Variants in EEF1D observed in about 807,000 individuals in gnomAD.
EEF1D encodes the protein elongation factor 1-delta.
In EEF1D, 47 loss-of-function variants were observed where a neutral mutation model predicts 63.9. That is an observed-to-expected ratio of 0.74 (90% CI 0.58 to 0.94). The LOEUF (loss-of-function observed/expected upper bound fraction) is 0.94, where lower values mean the gene tolerates loss of function less well. Ranked by LOEUF, EEF1D falls within the 40% of genes least tolerant of loss-of-function variation. EEF1D has a pLI of 0.00. For synonymous variants in EEF1D, 412 were observed against 386.1 expected (o/e 1.07, Z -0.79); for missense variants, 907 against 899.0 (o/e 1.01, Z -0.11).
rs373068224 is a variant in EEF1D at position 143,589,179 on chromosome 8, G to A, written c.903C>T (p.Ala301=). The change falls in exon 3 of 10, where the codon GCC becomes GCT. Residue 301 remains alanine, a synonymous_variant. Coordinates refer to ENST00000618139, the MANE Select transcript of EEF1D (RefSeq NM_001130053.5). The part of the protein sequence containing the change: ...LRRADGEAPS[A]LPYCYFLQKD... ...TCTGCAGGAAGTAACAGTAGGGCAA[G>A]GCAGAGGGGGCCTCCCCATCGGCCC... 2.5e-6 allele frequency: 4 copies of A among 1,599,480 alleles called. No homozygotes were observed. The African/African-American group carries it at 5.4e-5, about 21-fold the overall frequency.
chr8:143,580,849 G>A (rs150016304), intron 7 of EEF1D, 122 bp from the exon 8 acceptor site: 21,701 of 1,252,790 alleles, frequency 0.017, 245 homozygotes, highest in Non-Finnish European at 0.022. Context: ...CCTGTGTACC[G>A]CAGCTGTGTA....
rs1209300359 is a variant in EEF1D at position 143,581,068 on chromosome 8, C to T, written c.1474G>A (p.Ala492Thr). The change falls in exon 7 of 10, where the codon GCC becomes ACC. Residue 492 changes from alanine to threonine, a missense_variant. Physicochemically the swap from Ala to Thr is moderately conservative, Grantham distance 58 (BLOSUM62 0). Transcript: ENST00000618139. ...EKSSPGHRATAPQTQHVSPMR... is the reference protein window; with the variant it reads ...EKSSPGHRATTPQTQHVSPMR... ...AGAGCATTCACCTGGGTCTGTGGGG[C>T]CGTGGCCCGGTGGCCAGGCGAGCTC... The T allele has an allele frequency of 1.9e-6, 3 of 1,611,730 alleles. No homozygotes were observed. In the South Asian group the frequency reaches 3.3e-5, roughly 18 times the overall value.
intron 1 of EEF1D, among the ~76,000 whole-genome samples, chr8:143,595,502 C>A (rs1309018242): frequency 6.6e-6 from 1 of 152,252 alleles, no homozygotes; most frequent in Non-Finnish European, 1.5e-5. Flanking sequence ...CCACGCCCAG[C>A]CGCCTTTGGT....
At position 143,589,522 on chromosome 8, in the gene EEF1D, G is replaced by C; in HGVS notation, c.560C>G (p.Ala187Gly). The C allele has an allele frequency of 1.3e-6, 2 of 1,512,056 alleles. No individual in the cohort carries two copies. The highest frequency in any genetic ancestry group is 2.8e-5 in the African/African-American group (2 of 71,716). The allele number at this position is 1,512,056 out of a possible 1,614,324, so 93.7% of individuals were successfully genotyped here. Residue 187 changes from alanine to glycine, a missense_variant, in exon 3 of 10, where the codon GCC becomes GGC. Coordinates refer to ENST00000618139, the MANE Select transcript of EEF1D (RefSeq NM_001130053.5). ...FVEWSQALLL[A>G]PDGSRRQGTP... is the part of the protein sequence containing the mutation. Reference sequence around the variant, plus strand: ...CCCCTGCCTGCGGCTGCCGTCGGGGGCCAGCAACAGGGCCTGAGACCACTC... The same window carrying C: ...CCCCTGCCTGCGGCTGCCGTCGGGGCCCAGCAACAGGGCCTGAGACCACTC...
chr8:143,590,536 T>G, intron 2 of EEF1D: 1 of 1,166,464 alleles, frequency 8.6e-7, no homozygotes, highest in Non-Finnish European at 1.1e-6. Context: ...GGTGTTCCCA[T>G]TCTACAGAAC....
rs1433585347 is a variant in EEF1D, at chr8:143,581,078, G to A, written c.1464C>T (p.His488=). The A allele has an allele frequency of 1.2e-6, 2 of 1,612,224 alleles. No individual in the cohort carries two copies. Among genetic ancestry groups the A allele is most frequent in the Non-Finnish European group, 1.7e-6 (2 of 1,179,958 alleles). The change falls in exon 7 of 10, where the codon CAC becomes CAT. Residue 488 remains histidine (H), a synonymous_variant. Coordinates refer to ENST00000618139, the MANE Select transcript of EEF1D (RefSeq NM_001130053.5). ...CCTGGGTCTGTGGGGCCGTGGCCCG[G>A]TGGCCAGGCGAGCTCTTCTCCAGCA... ...LNVLEKSSPG[H]RATAPQTQHV...
chr8:143,580,720 G>A lies in EEF1D; in HGVS notation c.1496C>T (p.Ser499Phe), dbSNP rs1225107912. ...TGGGGGCTCCACTTGGCGCATGGGA[G>A]ATACGTGCTGCCACAGGGGAAGGGA... Reference protein sequence around the residue: ...RATAPQTQHVSPMRQVEPPAK... With the variant: ...RATAPQTQHVFPMRQVEPPAK... Residue 499 changes from serine to phenylalanine, a missense_variant, in exon 8 of 10, where the codon TCT (serine) becomes TTT (phenylalanine). Ser to Phe is a radical substitution (Grantham distance 155). Transcript: ENST00000618139. The A allele has an allele frequency of 1.9e-6, 3 of 1,613,076 alleles. No individual in the cohort carries two copies. The South Asian group carries it at 3.3e-5, about 18-fold the overall frequency.
Position 143,589,286 on chromosome 8 carries a change from C to T in EEF1D, c.796G>A (p.Gly266Ser), listed in dbSNP as rs77499941. Residue 266 changes from glycine to serine, a missense_variant, in exon 3 of 10, where the codon GGC becomes AGC. Transcript: ENST00000618139. ...PGKVRLQERA[G>S]LAEGARRGRR... ...CCCCGCCGGGCACCCTCGGCCAGGC[C>T]GGCTCGCTCTTGCAGGCGCACCTTC... The T allele has an allele frequency of 2.8e-3, 4,460 of 1,586,648 alleles. 7 individuals carry two copies. The highest frequency in any genetic ancestry group is 3.5e-3 in the Non-Finnish European group (4,048 of 1,165,804).
At chr8:143,585,286 G>A (rs1000556740) in intron 5 of EEF1D, among the ~76,000 whole-genome samples, 6 of 152,168 alleles carry the variant, frequency 3.9e-5, no homozygotes, top group Non-Finnish European at 8.8e-5. Flanking sequence ...CAGGAGGTTC[G>A]AGAGAGGCGC....
chr8:143,592,424 C>T (rs939656512), intron 2 of EEF1D, among the ~76,000 whole-genome samples: 2 of 152,126 alleles, frequency 1.3e-5, no homozygotes, highest in Non-Finnish European at 2.9e-5. Context: ...GCTGCTGACC[C>T]GCCAGCCCAG....
rs754032596 is a variant in EEF1D, at chr8:143,580,229, G to A, written c.1711-23C>T. 2.5e-6 allele frequency: 4 copies of A among 1,606,704 alleles called. No individual in the cohort carries two copies. In the African/African-American group the frequency reaches 5.3e-5, roughly 21 times the overall value. On this transcript the variant is annotated intron_variant, in intron 8 of 9. Transcript: ENST00000618139. ...CCACTGTGGGGAAAGGGGAGGAAAA[G>A]CTGGGGTCAGCCACCCTCAGAACAC... is the stretch of plus-strand genomic sequence containing the variant.
intron 1 of EEF1D, chr8:143,596,643 C>T (rs560942298): frequency 6.6e-5 from 10 of 152,426 alleles, no homozygotes; most frequent in African/African-American, 2.4e-4. Flanking sequence ...TTTAGCTACA[C>T]AGTTCTTCTG....
chr8:143,584,351 G>C (rs1826128414), intron 5 of EEF1D: 1 of 141,772 alleles, frequency 7.1e-6, no homozygotes. Flanking sequence ...AGGAGTTCAA[G>C]ACCAGCCTGG....
At chr8:143,586,068 G>C (rs1471180347) in intron 5 of EEF1D, 151 bp downstream of exon 5, 3 of 609,826 alleles carry the variant, frequency 4.9e-6, no homozygotes, top group Non-Finnish European at 8.7e-6. Context: ...CGGGCATGGA[G>C]GTCACAGAGC....
chr8:143,593,919 G>A (rs1828384942), intron 1 of EEF1D: 1 of 985,308 alleles, frequency 1.0e-6, no homozygotes, highest in South Asian at 4.7e-5. Flanking sequence ...GACCAAGTCT[G>A]AGCTTCAAAG....
chr8:143,592,271 C>T, intron 2 of EEF1D: 2 of 985,502 alleles, frequency 2.0e-6, no homozygotes, highest in Non-Finnish European at 2.4e-6. Flanking sequence ...TGATGCCCTA[C>T]CAGACTTTAT....
chr8:143,585,837 G>A (rs1826480814), intron 5 of EEF1D, among the ~76,000 whole-genome samples: 1 of 152,218 alleles, frequency 6.6e-6, no homozygotes, highest in Non-Finnish European at 1.5e-5. Context: ...AGTGAGGCAA[G>A]ATCTAAGAGG....
Position 143,589,813 on chromosome 8 carries a change from C to G in EEF1D, c.269G>C (p.Arg90Pro). The change falls in exon 3 of 10, where the codon CGC becomes CCC. Residue 90 changes from arginine (R) to proline (P), a missense_variant. Coordinates refer to ENST00000618139, the MANE Select transcript of EEF1D (RefSeq NM_001130053.5). ...GGGGCCGAGCCCGCTCTTGGGGGAG[C>G]GCTTCCTCTTTTTCTGCAGGGGCTT... Reference protein sequence around the residue: ...SRKPLQKKRKRSPKSGLGPAD... With the variant: ...SRKPLQKKRKPSPKSGLGPAD... The G allele has an allele frequency of 1.9e-6, 3 of 1,601,166 alleles. No homozygotes were observed. The highest frequency in any genetic ancestry group is 2.6e-6 in the Non-Finnish European group (3 of 1,174,620).
rs1319935200 is a variant in EEF1D, at chr8:143,586,346, T to C, written c.1216-56A>G. 56 of 1,442,626 alleles carry C rather than the reference T, an allele frequency of 3.9e-5. 1 individual carries two copies. The South Asian group carries it at 6.0e-4, about 15-fold the overall frequency. 89.4% of individuals were successfully genotyped at this position (1,442,626 alleles called of 1,614,324 possible). On this transcript the variant is annotated intron_variant, in intron 4 of 9. Coordinates refer to ENST00000618139, the MANE Select transcript of EEF1D (RefSeq NM_001130053.5). ...TTTTTATTATTAAAAAAGAATTTAA[T>C]TAAAAAACAAACCAAAAAACCCCAT...
Sources: allele counts gnomAD v4.1 joint callset (sites outside exome capture counted in the v4.1 genomes callset), GRCh38; gene constraint gnomAD v4.1.1; transcripts MANE v1.5; gene names NCBI Gene and HGNC (gene_info 2026-07-23, HGNC 2026-07-21).